Variants in SGCZ observed in about 807,000 individuals in gnomAD.
SGCZ encodes the protein zeta-sarcoglycan.
In SGCZ, 40 loss-of-function variants were observed where a neutral mutation model predicts 41.3. The observed-to-expected ratio is 0.97, with a 90% CI of 0.75 to 1.26. The LOEUF (loss-of-function observed/expected upper bound fraction) is 1.26, where lower values mean the gene tolerates loss of function less well. SGCZ is among the 50% of genes most tolerant of loss of function. The pLI is 0.00. For synonymous variants in SGCZ, 206 were observed against 137.5 expected (o/e 1.50, Z -3.49); for missense variants, 552 against 369.8 (o/e 1.49, Z -4.04).
chr8:14,843,209 T>C (rs1366343496), intron 1 of SGCZ, among the ~76,000 whole-genome samples: 3 of 152,026 alleles, frequency 2.0e-5, no homozygotes. Context: ...GAGAGTTGGT[T>C]TTAAAAAAAG....
chr8:15,103,917 T>A (rs189646440), intron 1 of SGCZ, among the ~76,000 whole-genome samples: 6 of 152,174 alleles, frequency 3.9e-5, no homozygotes, highest in African/African-American at 1.4e-4. Context: ...TAATGAAGTG[T>A]TGATTAGTGG....
intron 1 of SGCZ, among the ~76,000 whole-genome samples, chr8:15,130,773 C>T (rs953936386): frequency 2.6e-5 from 4 of 152,126 alleles, no homozygotes; most frequent in African/African-American, 9.7e-5. Flanking sequence ...TGCATACTAC[C>T]TAAGATTATA....
At chr8:15,213,999 GTTA>G (rs1563187774) in intron 1 of SGCZ, among the ~76,000 whole-genome samples, 4 of 149,816 alleles carry the variant, frequency 2.7e-5, no homozygotes, top group African/African-American at 7.5e-5. Context: ...ACTTGCCTAA[GTTA>G]TTATTTTATT....
At chr8:14,163,232 G>A (rs56215061) in intron 5 of SGCZ, among the ~76,000 whole-genome samples, 47,139 of 151,902 alleles carry the variant, frequency 0.31, 7,687 homozygotes, top group Middle Eastern at 0.45. Flanking sequence ...AACTTGTGTC[G>A]TGGGGGTTTA....
At chr8:14,121,162 T>C (rs975555587) in intron 5 of SGCZ, among the ~76,000 whole-genome samples, 1 of 152,106 alleles carries the variant, frequency 6.6e-6, no homozygotes, top group South Asian at 2.1e-4. Flanking sequence ...GCAAAGTCAA[T>C]GTTGAATATT....
At chr8:15,202,758 G>C (rs931831751) in intron 1 of SGCZ, among the ~76,000 whole-genome samples, 2 of 152,096 alleles carry the variant, frequency 1.3e-5, no homozygotes, top group African/African-American at 4.8e-5. Flanking sequence ...ATACCTTTTA[G>C]AAATGAGAGA....
At chr8:14,846,378 T>G (rs939012853) in intron 1 of SGCZ, among the ~76,000 whole-genome samples, 1 of 151,250 alleles carries the variant, frequency 6.6e-6, no homozygotes, top group South Asian at 2.1e-4. Context: ...TATATACAAT[T>G]AAAAAAAATC....
At chr8:15,174,382 T>A (rs1376855381) in intron 1 of SGCZ, among the ~76,000 whole-genome samples, 1 of 152,210 alleles carries the variant, frequency 6.6e-6, no homozygotes, top group Non-Finnish European at 1.5e-5. Context: ...CTAAAAACAT[T>A]GTATATAACC....
chr8:15,095,103 C>T (rs1426049644), intron 1 of SGCZ, among the ~76,000 whole-genome samples: 1 of 151,958 alleles, frequency 6.6e-6, no homozygotes, highest in African/African-American at 2.4e-5. Flanking sequence ...TTTATTTTAT[C>T]TTATTTTTTT....
At chr8:14,944,127 G>A (rs991091601) in intron 1 of SGCZ, among the ~76,000 whole-genome samples, 25 of 152,190 alleles carry the variant, frequency 1.6e-4, no homozygotes, top group African/African-American at 5.1e-4. Flanking sequence ...TCCTCTCCCC[G>A]CTTCATTCGA....
At chr8:14,755,741 A>T (rs1006050406) in intron 1 of SGCZ, among the ~76,000 whole-genome samples, 1 of 152,132 alleles carries the variant, frequency 6.6e-6, no homozygotes, top group Admixed American at 6.6e-5. Flanking sequence ...AAGTGCCCTG[A>T]TTGCTCATAA....
intron 2 of SGCZ, among the ~76,000 whole-genome samples, chr8:14,431,311 C>T (rs186897802): frequency 3.3e-5 from 5 of 152,102 alleles, no homozygotes; most frequent in South Asian, 2.1e-4. Flanking sequence ...CTTATTCACC[C>T]GAATAGCATG....
chr8:14,511,944 T>C (rs1280147886), intron 2 of SGCZ, among the ~76,000 whole-genome samples: 1 of 152,134 alleles, frequency 6.6e-6, no homozygotes, highest in African/African-American at 2.4e-5. Context: ...ATAGATTTTA[T>C]ATAATAAAGG....
intron 3 of SGCZ, among the ~76,000 whole-genome samples, chr8:14,290,260 T>A (rs1345220188): frequency 2.0e-5 from 3 of 152,100 alleles, no homozygotes; most frequent in Non-Finnish European, 4.4e-5. Flanking sequence ...GAGGGAAATT[T>A]CCATAACATT....
intron 5 of SGCZ, among the ~76,000 whole-genome samples, chr8:14,117,356 GTTTTT>G (rs57139452): frequency 1.2e-4 from 17 of 143,504 alleles, no homozygotes; most frequent in Admixed American, 2.1e-4. Context: ...AATAGGTAGT[GTTTTT>G]TTTTTTTTTT....
intron 2 of SGCZ, among the ~76,000 whole-genome samples, chr8:14,479,744 T>TTTTTTTTTTTTTTTTTTTTTTTTC (rs1801476323): frequency 1.1e-5 from 1 of 87,888 alleles, no homozygotes; most frequent in African/African-American, 3.9e-5. Context: ...TTTTTTTTTT[T>TTTTTTTTTTTTTTTTTTTTTTTTC]TTTTTTTTTT....
At chr8:14,670,391 T>C (rs185636015) in intron 1 of SGCZ, among the ~76,000 whole-genome samples, 86 of 152,314 alleles carry the variant, frequency 5.6e-4, no homozygotes, top group Admixed American at 4.3e-3. Context: ...TTGCATATTA[T>C]TGCTATCAGT....
chr8:15,046,051 G>T (rs1226021448), intron 1 of SGCZ, among the ~76,000 whole-genome samples: 3 of 151,934 alleles, frequency 2.0e-5, no homozygotes, highest in Non-Finnish European at 4.4e-5. Flanking sequence ...ACATTATATT[G>T]TTAGTACATT....
At chr8:14,348,822 T>C (rs1459903193) in intron 2 of SGCZ, among the ~76,000 whole-genome samples, 2 of 152,160 alleles carry the variant, frequency 1.3e-5, no homozygotes, top group Non-Finnish European at 1.5e-5. Flanking sequence ...CTCAACCAAA[T>C]ACATTAAATA....
Sources: allele counts gnomAD v4.1 joint callset (sites outside exome capture counted in the v4.1 genomes callset), GRCh38; gene constraint gnomAD v4.1.1; transcripts MANE v1.5; gene names NCBI Gene and HGNC (gene_info 2026-07-23, HGNC 2026-07-21).